RPE65: variants seen among roughly 807,000 people sequenced by gnomAD.
The protein encoded by RPE65 is retinoid isomerohydrolase.
In RPE65, 58 loss-of-function variants were observed where a neutral mutation model predicts 68.5. The observed-to-expected ratio is 0.85, with a 90% confidence interval of 0.69 to 1.05. RPE65 has a LOEUF of 1.05. Among genes scored for constraint, RPE65 ranks in the 50% least tolerant of loss-of-function variants. The pLI is 0.00. For synonymous variants in RPE65, 220 were observed against 222.2 expected (o/e 0.99, Z 0.09); for missense variants, 643 against 629.9 (o/e 1.02, Z -0.22).
chr1:68,446,951 T>C, intron 2 of RPE65, 91 bp from the exon 3 acceptor site: 3 of 1,530,860 alleles, frequency 2.0e-6, no homozygotes, highest in Non-Finnish European at 2.7e-6. Flanking sequence ...GCAGCCTGAT[T>C]GGGCAGCTTC....
chr1:68,433,309 T>C (rs898398860), intron 10 of RPE65, among the ~76,000 whole-genome samples: 1 of 152,086 alleles, frequency 6.6e-6, no homozygotes, highest in African/African-American at 2.4e-5. Context: ...AGAAGGATTT[T>C]GTAAGAGCCT....
At chr1:68,436,368 T>C (rs1645862400) in intron 10 of RPE65, among the ~76,000 whole-genome samples, 1 of 152,176 alleles carries the variant, frequency 6.6e-6, no homozygotes, top group Non-Finnish European at 1.5e-5. Flanking sequence ...TTTGCTAAGA[T>C]TGCTAGTGGG....
At chr1:68,449,862 G>T in intron 1 of RPE65, 33 bp downstream of exon 1, 1 of 1,610,814 alleles carries the variant, frequency 6.2e-7, no homozygotes, top group Non-Finnish European at 8.5e-7. Context: ...AATCCATGAA[G>T]GTGTTTTAAA....
intron 2 of RPE65, among the ~76,000 whole-genome samples, chr1:68,447,612 A>C (rs1298929302): frequency 6.6e-6 from 1 of 152,208 alleles, no homozygotes; most frequent in Admixed American, 6.5e-5. Flanking sequence ...TTGTAATCCC[A>C]GCACTTTGGG....
At chr1:68,448,928 G>T (rs1030405756) in intron 1 of RPE65, among the ~76,000 whole-genome samples, 23 of 151,758 alleles carry the variant, frequency 1.5e-4, no homozygotes, top group African/African-American at 4.6e-4. Context: ...CTCAGGTATG[G>T]AAGGGGGTCC....
chr1:68,434,557 G>T (rs1343065267), intron 10 of RPE65, among the ~76,000 whole-genome samples: 1 of 152,078 alleles, frequency 6.6e-6, no homozygotes, highest in South Asian at 2.1e-4. Flanking sequence ...TAGTGGTGAT[G>T]CTGGGAAGAA....
At chr1:68,446,594 G>T in intron 3 of RPE65, 116 bp downstream of exon 3, 1 of 1,185,804 alleles carries the variant, frequency 8.4e-7, no homozygotes, top group Non-Finnish European at 1.2e-6. Flanking sequence ...TACATTGTGA[G>T]AAGAAAGTGG....
intron 10 of RPE65, among the ~76,000 whole-genome samples, chr1:68,437,410 C>T (rs1218128980): frequency 2.6e-5 from 4 of 152,212 alleles, no homozygotes; most frequent in Non-Finnish European, 5.9e-5. Flanking sequence ...AGCTTACAAA[C>T]TTGCTTAAGA....
At chr1:68,434,784 T>C (rs1329686620) in intron 10 of RPE65, among the ~76,000 whole-genome samples, 1 of 152,126 alleles carries the variant, frequency 6.6e-6, no homozygotes, top group East Asian at 1.9e-4. Context: ...TGTTTGTTTG[T>C]TGAGATGGGG....
chr1:68,440,522 G>A (rs1645894777), intron 6 of RPE65, among the ~76,000 whole-genome samples: 1 of 152,066 alleles, frequency 6.6e-6, no homozygotes, highest in African/African-American at 2.4e-5. Flanking sequence ...ATTTTGCCTA[G>A]CACATGAATA....
Position 68,444,641 on chromosome 1 carries a change from T to C in RPE65, c.385A>G (p.Thr129Ala). 6.2e-7 allele frequency: 1 copy of C among 1,614,170 alleles called. No individual in the cohort carries two copies. Among genetic ancestry groups the C allele is most frequent in the South Asian group, 1.1e-5 (1 of 91,082 alleles). The change falls in exon 5 of 14, where the codon ACT (threonine) becomes GCT (alanine). Residue 129 changes from threonine to alanine, a missense_variant. Thr to Ala is a moderately conservative substitution (Grantham distance 58, BLOSUM62 0). Coordinates refer to ENST00000262340, the MANE Select transcript of RPE65 (RefSeq NM_000329.3). The stretch of plus-strand genomic sequence containing the variant: ...TAGACATTAACAAGGGCATTGTCAG[T>C]AACCTCTACTCCTCGAAAGTAAGAA... ...FFSYFRGVEV[T>A]DNALVNVYPV...
At chr1:68,443,606 T>G (rs187680994) in intron 5 of RPE65, among the ~76,000 whole-genome samples, 2 of 152,356 alleles carry the variant, frequency 1.3e-5, no homozygotes, top group Non-Finnish European at 2.9e-5. Context: ...TTAAGCCTTC[T>G]TTCACCTGTC....
chr1:68,448,852 G>T, intron 1 of RPE65, 146 bp from the exon 2 acceptor site: 4 of 359,566 alleles, frequency 1.1e-5, no homozygotes, highest in South Asian at 3.8e-5. Flanking sequence ...GGGTGGGGGT[G>T]GGGGTGGGGG....
chr1:68,444,970 C>A, intron 3 of RPE65, 87 bp from the exon 4 acceptor site: 1 of 1,070,068 alleles, frequency 9.3e-7, no homozygotes, highest in Non-Finnish European at 1.4e-6. Flanking sequence ...TTCTATGTGT[C>A]CTCATCAAGT....
rs61752883 is a variant in RPE65 at position 68,440,997 on chromosome 1, C to A, written c.499G>T (p.Asp167Tyr). ...TTGACAGAGACATAGTTGCAAAGAT[C>A]AACCTACGGAAGTAAAGTGAATGTC... The part of the protein sequence containing the change: ...PETLETIKQV[D>Y]LCNYVSVNGA... The change falls in exon 6 of 14, where the codon GAT becomes TAT. Residue 167 changes from aspartate to tyrosine, a missense_variant. Transcript: ENST00000262340. 4.4e-5 allele frequency: 71 copies of A among 1,613,626 alleles called. No individual in the cohort carries two copies. The highest frequency in any genetic ancestry group is 5.8e-5 in the Non-Finnish European group (69 of 1,179,798).
At chr1:68,430,207 G>T (rs570876542) in intron 13 of RPE65, among the ~76,000 whole-genome samples, 1 of 152,114 alleles carries the variant, frequency 6.6e-6, no homozygotes. Context: ...TGACTACAGC[G>T]TAGTAGGTAC....
chr1:68,429,690 A>G lies in RPE65; in HGVS notation c.*86T>C. 6.5e-7 allele frequency: 1 copy of G among 1,545,840 alleles called. No homozygotes were observed. The highest frequency in any genetic ancestry group is 8.9e-7 in the Non-Finnish European group (1 of 1,124,636). On this transcript the variant is annotated 3_prime_UTR_variant, in exon 14 of 14. Transcript: ENST00000262340. Reference sequence around the variant, plus strand: ...GCAAGTTAAAACCATGACATATAGCAGGCTAAAATTGAACAGAATTTGATT... The same window carrying G: ...GCAAGTTAAAACCATGACATATAGCGGGCTAAAATTGAACAGAATTTGATT...
rs1408756289 is a variant in RPE65, at chr1:68,440,869, G to T, written c.627C>A (p.Ile209=). ...NFSIAYNIVK[I]PPLQADKEDP... is the part of the protein sequence containing the mutation. ...TAAACTCACCTGCTTGCAGTGGTGG[G>T]ATCTTTACAATGTTGTAGGCAATTG... Residue 209 remains isoleucine (I), a synonymous_variant, in exon 6 of 14, where the codon ATC becomes ATA. Coordinates refer to ENST00000262340, the MANE Select transcript of RPE65 (RefSeq NM_000329.3). 5.0e-6 allele frequency: 8 copies of T among 1,613,960 alleles called. No individual in the cohort carries two copies. Among genetic ancestry groups the T allele is most frequent in the Non-Finnish European group, 5.9e-6 (7 of 1,179,898 alleles).
intron 10 of RPE65, among the ~76,000 whole-genome samples, chr1:68,432,708 G>T (rs1253450538): frequency 6.6e-6 from 1 of 152,120 alleles, no homozygotes; most frequent in African/African-American, 2.4e-5. Context: ...AGTGAGTGAT[G>T]GGAAGCCATT....
Sources: gnomAD v4.1 joint callset for allele counts (sites outside exome capture counted in the v4.1 genomes callset) on GRCh38, gnomAD v4.1.1 for gene constraint, MANE v1.5 for transcripts, NCBI Gene and HGNC (gene_info 2026-07-23, HGNC 2026-07-21) for gene names.